RPS6KA3: variants seen among roughly 807,000 people sequenced by gnomAD.
RPS6KA3 encodes the protein ribosomal protein S6 kinase A3.
Under a neutral mutation model 67.2 loss-of-function variants are expected in RPS6KA3, and 4 were observed. The ratio of observed to expected loss-of-function variants is 0.06; its 90% CI spans 0.03 to 0.14. The LOEUF is 0.14. RPS6KA3 is among the 10% of genes least tolerant of loss of function. RPS6KA3 has a pLI of 1.00. For synonymous variants in RPS6KA3, 182 were observed against 183.7 expected (o/e 0.99, Z 0.07); for missense variants, 204 against 559.0 (o/e 0.36, Z 6.40).
chrX:20,266,720 G>T lies in RPS6KA3; in HGVS notation c.-88C>A. ...CGCTCCGTCGCCGCCCGAGCCCCACGGCAGCGGCGGCGGCGGCGGCGGCGG... is the reference window on the plus strand; with the variant it reads ...CGCTCCGTCGCCGCCCGAGCCCCACTGCAGCGGCGGCGGCGGCGGCGGCGG... On this transcript the variant is annotated 5_prime_UTR_variant, in exon 1 of 22. Coordinates refer to ENST00000379565, the MANE Select transcript of RPS6KA3 (RefSeq NM_004586.3). 1 of 549,380 alleles carries T rather than the reference G, an allele frequency of 1.8e-6. No homozygotes were observed. The highest frequency in any genetic ancestry group is 2.1e-6 in the Non-Finnish European group (1 of 472,786). 45.3% of individuals were successfully genotyped at this position (549,380 alleles called of 1,213,427 possible). A position where few individuals can be genotyped will look rare whatever the true frequency, so the allele number is the denominator to read the frequency against.
At chrX:20,191,699 A>G (rs913232728) in intron 7 of RPS6KA3, among the ~76,000 whole-genome samples, 1 of 112,164 alleles carries the variant, frequency 8.9e-6, no homozygotes, top group African/African-American at 3.2e-5. Context: ...CATATCCGAG[A>G]GAAATATTCA....
intron 1 of RPS6KA3, among the ~76,000 whole-genome samples, chrX:20,237,410 A>C (rs749414977): frequency 3.1e-4 from 35 of 111,920 alleles, no homozygotes; most frequent in Non-Finnish European, 5.5e-4. Context: ...TGTTCCCTGC[A>C]ATTTTTAATG....
At position 20,155,436 on chromosome X, in the gene RPS6KA3, G is replaced by T. The variant is rs1555924331; in HGVS notation, c.2185C>A (p.Arg729=). The T allele has an allele frequency of 1.7e-6, 2 of 1,210,294 alleles. No homozygotes were observed. Among genetic ancestry groups the T allele is most frequent in the Non-Finnish European group, 2.2e-6 (2 of 894,600 alleles). ...EPVGRSTLAQ[R]RGIKKITSTA... ...GAGGTGATTTTTTTAATACCTCTCC[G>T]CTGAGCAAGAGTAGAGCGGCCTACT... The change falls in exon 22 of 22, where the codon CGG becomes AGG. Residue 729 remains arginine, a synonymous_variant. Transcript: ENST00000379565.
intron 1 of RPS6KA3, among the ~76,000 whole-genome samples, chrX:20,259,535 G>C (rs944203781): frequency 9.0e-6 from 1 of 111,253 alleles, no homozygotes; most frequent in Admixed American, 9.6e-5. Context: ...CAAAACTCTT[G>C]ACAGTTAAAG....
chrX:20,169,669 T>C (rs1025751902), intron 15 of RPS6KA3, 178 bp from the exon 16 acceptor site: 2 of 509,312 alleles, frequency 3.9e-6, no homozygotes, highest in Admixed American at 4.8e-5. Context: ...AGTCTTGATA[T>C]AGATGGCAAG....
At chrX:20,247,790 A>AG (rs751295653) in intron 1 of RPS6KA3, among the ~76,000 whole-genome samples, 7,980 of 105,638 alleles carry the variant, frequency 0.076, 344 homozygotes, top group Non-Finnish European at 0.12. Context: ...CCGTCTCAAA[A>AG]GAAAAAAAAA....
chrX:20,167,276 G>C (rs924073333), intron 17 of RPS6KA3, among the ~76,000 whole-genome samples: 3 of 111,891 alleles, frequency 2.7e-5, no homozygotes, highest in African/African-American at 6.5e-5. Context: ...CCTTGGTTCT[G>C]CTTCTAACCT....
intron 4 of RPS6KA3, among the ~76,000 whole-genome samples, chrX:20,198,178 T>C (rs1358401037): frequency 9.0e-6 from 1 of 111,311 alleles, no homozygotes. Flanking sequence ...CAAAACCCCA[T>C]GGAAATGACA....
intron 2 of RPS6KA3, among the ~76,000 whole-genome samples, chrX:20,211,615 T>C (rs1448754964): frequency 9.0e-6 from 1 of 111,025 alleles, no homozygotes; most frequent in Non-Finnish European, 1.9e-5. Context: ...ACAATATTTG[T>C]ATCCTTAAAA....
intron 2 of RPS6KA3, among the ~76,000 whole-genome samples, chrX:20,219,206 C>T (rs1486381925): frequency 3.6e-5 from 4 of 111,833 alleles, no homozygotes; most frequent in African/African-American, 1.3e-4. Context: ...CTGAGAAATG[C>T]CAGAATTTCT....
intron 1 of RPS6KA3, among the ~76,000 whole-genome samples, chrX:20,243,057 A>T (rs1405158081): frequency 2.7e-5 from 3 of 110,342 alleles, no homozygotes; most frequent in African/African-American, 6.6e-5. Flanking sequence ...GATAAGTATA[A>T]AAAAAAAATA....
chrX:20,156,079 G>A lies in RPS6KA3; in HGVS notation c.2100+30C>T, dbSNP rs1466072999. ...TTGAAGTCTCTCCTGGAGGACCTGT[G>A]GAAAACAGTGACTGTATGGGGCTGC... On this transcript the variant is annotated intron_variant, in intron 21 of 21. Transcript: ENST00000379565. 2.5e-6 allele frequency: 3 copies of A among 1,204,518 alleles called. No individual in the cohort carries two copies. The African/African-American group carries it at 5.3e-5, about 21-fold the overall frequency.
At chrX:20,245,810 G>C (rs2069670608) in intron 1 of RPS6KA3, among the ~76,000 whole-genome samples, 2 of 111,437 alleles carry the variant, frequency 1.8e-5, no homozygotes, top group Non-Finnish European at 3.8e-5. Flanking sequence ...GCACCTTAGA[G>C]GATGCCTGTG....
chrX:20,186,436 A>T, intron 9 of RPS6KA3, 70 bp from the exon 10 acceptor site: 1 of 645,804 alleles, frequency 1.5e-6, no homozygotes, highest in East Asian at 3.3e-5. Context: ...AAGGTAAAAA[A>T]AAAAAAAAGC....
chrX:20,171,890 T>C (rs1009502331), intron 15 of RPS6KA3, among the ~76,000 whole-genome samples: 1 of 112,346 alleles, frequency 8.9e-6, no homozygotes, highest in African/African-American at 3.2e-5. Flanking sequence ...CTTTTAAGAA[T>C]TTCCTTCTTT....
At chrX:20,182,340 T>C (rs1198848828) in intron 10 of RPS6KA3, among the ~76,000 whole-genome samples, 1 of 112,287 alleles carries the variant, frequency 8.9e-6, no homozygotes, top group African/African-American at 3.2e-5. Context: ...TAGCTCCACA[T>C]TCTTGTGAGA....
intron 9 of RPS6KA3, among the ~76,000 whole-genome samples, chrX:20,187,603 G>A (rs187118914): frequency 3.6e-5 from 4 of 111,975 alleles, no homozygotes; most frequent in South Asian, 7.4e-4. Context: ...CTATTAGCAG[G>A]AAATCTATGG....
At chrX:20,179,489 G>C (rs1264021736) in intron 10 of RPS6KA3, among the ~76,000 whole-genome samples, 1 of 110,797 alleles carries the variant, frequency 9.0e-6, no homozygotes, top group African/African-American at 3.3e-5. Flanking sequence ...GTCAGAAAAA[G>C]AACAATTAGG....
At chrX:20,192,229 A>G (rs1259149331) in intron 7 of RPS6KA3, among the ~76,000 whole-genome samples, 1 of 111,833 alleles carries the variant, frequency 8.9e-6, no homozygotes, top group Non-Finnish European at 1.9e-5. Context: ...TACAATTTAA[A>G]TAATATCCGA....
Sources: allele counts gnomAD v4.1 joint callset (sites outside exome capture counted in the v4.1 genomes callset), GRCh38; gene constraint gnomAD v4.1.1; transcripts MANE v1.5; gene names NCBI Gene and HGNC (gene_info 2026-07-23, HGNC 2026-07-21).